COX7A2L: variants seen among roughly 807,000 people sequenced by gnomAD.
COX7A2L encodes cytochrome c oxidase subunit 7A2-like, mitochondrial.
A neutral mutation model predicts 14.2 loss-of-function variants in COX7A2L; 18 were observed. The ratio of observed to expected loss-of-function variants is 1.27; its 90% CI spans 0.88 to 1.88. The LOEUF is 1.88. Ranked by LOEUF, COX7A2L falls within the 40% of genes most tolerant of loss-of-function variation. COX7A2L has a pLI of 0.00. For synonymous variants in COX7A2L, 65 were observed against 57.4 expected, an observed-to-expected ratio of 1.13 and a Z score of -0.60; for missense variants, 179 against 138.8, an observed-to-expected ratio of 1.29 and a Z score of -1.46.
At chr2:42,336,444 A>C (rs1321115757) in intron 2 of COX7A2L, among the ~76,000 whole-genome samples, 4 of 149,310 alleles carry the variant, frequency 2.7e-5, no homozygotes, top group African/African-American at 9.9e-5. Context: ...ACTGAGAAGA[A>C]AGTGAGTGCC....
chr2:42,358,946 C>T (rs1447219212), intron 1 of COX7A2L, among the ~76,000 whole-genome samples: 2 of 152,002 alleles, frequency 1.3e-5, no homozygotes, highest in Admixed American at 6.6e-5. Context: ...GGCTGTGCAA[C>T]ACAGCAAGAA....
chr2:42,367,583 T>C (rs1442157200), intron 1 of COX7A2L, among the ~76,000 whole-genome samples: 1 of 152,208 alleles, frequency 6.6e-6, no homozygotes, highest in Non-Finnish European at 1.5e-5. Context: ...GGGTATGACA[T>C]TCCCAAAAGC....
exon 1 of COX7A2L, chr2:42,368,901 C>T (rs1671217783): frequency 6.6e-6 from 1 of 152,254 alleles, no homozygotes; most frequent in Non-Finnish European, 1.5e-5. Flanking sequence ...GTGCCCCAGG[C>T]TTCTCACATC....
Position 42,349,699 on chromosome 2 carries a change from T to C in COX7A2L, c.*1520A>G, listed in dbSNP as rs545207571. The C allele has an allele frequency of 1.3e-4, 20 of 152,310 alleles. No homozygotes were observed. The highest frequency in any genetic ancestry group is 4.8e-4 in the African/African-American group (20 of 41,566). The allele number at this position is 152,310 out of a possible 1,614,324, so 9.4% of individuals were successfully genotyped here. A position where few individuals can be genotyped will look rare whatever the true frequency, so the allele number is the denominator to read the frequency against. ...TGGGGAAATCTGAAAGTAAACTATG[T>C]ATTAGATGGTAGTATTGTTATAAAT... On this transcript the variant is annotated 3_prime_UTR_variant, in exon 3 of 3. Coordinates refer to ENST00000234301, the MANE Select transcript of COX7A2L (RefSeq NM_004718.4).
chr2:42,353,477 AC>A, intron 1 of COX7A2L, 134 bp from the exon 2 acceptor site: 2 of 1,179,094 alleles, frequency 1.7e-6, no homozygotes, highest in African/African-American at 1.6e-5. Flanking sequence ...CCTGTCAAGA[AC>A]CCCTTGCCAT....
Position 42,350,960 on chromosome 2 carries a change from A to C in COX7A2L, c.*259T>G. On this transcript the variant is annotated 3_prime_UTR_variant, in exon 3 of 3. Coordinates refer to ENST00000234301, the MANE Select transcript of COX7A2L (RefSeq NM_004718.4). Reference sequence around the variant, plus strand: ...ATTAACAAGCCTGTGTTCAGCCTTCATCCAGAACCTCCAGGGAAATCAGGA... The same window carrying C: ...ATTAACAAGCCTGTGTTCAGCCTTCCTCCAGAACCTCCAGGGAAATCAGGA... The C allele has an allele frequency of 3.0e-6, 1 of 329,428 alleles. No individual in the cohort carries two copies. The highest frequency in any genetic ancestry group is 5.5e-6 in the Non-Finnish European group (1 of 180,398). 20.4% of individuals were successfully genotyped at this position (329,428 alleles called of 1,614,324 possible).
intron 2 of COX7A2L, among the ~76,000 whole-genome samples, chr2:42,336,465 G>C (rs1275445804): frequency 6.6e-6 from 1 of 152,150 alleles, no homozygotes; most frequent in Non-Finnish European, 1.5e-5. Flanking sequence ...CGAAGAAAGG[G>C]CCTCAGGGAG....
chr2:42,353,365 T>C (rs578094718), intron 1 of COX7A2L, 22 bp from the exon 2 acceptor site: 5 of 1,611,350 alleles, frequency 3.1e-6, no homozygotes, highest in South Asian at 2.2e-5. Flanking sequence ...AAAAGGAAAA[T>C]GGCAAGTTGA....
intron 1 of COX7A2L, among the ~76,000 whole-genome samples, chr2:42,360,376 A>T (rs1055679908): frequency 6.6e-5 from 10 of 152,114 alleles, no homozygotes; most frequent in African/African-American, 2.4e-4. Context: ...AAAGCGGAAA[A>T]CGCCATGATT....
At chr2:42,335,853 T>TCGA (rs1465144319) in intron 2 of COX7A2L, among the ~76,000 whole-genome samples, 9 of 152,208 alleles carry the variant, frequency 5.9e-5, no homozygotes, top group Non-Finnish European at 1.0e-4. Flanking sequence ...GGACTTTGAA[T>TCGA]CGTGTCAAGA....
chr2:42,343,695 G>C (rs1160589175), intron 2 of COX7A2L, among the ~76,000 whole-genome samples: 1 of 152,210 alleles, frequency 6.6e-6, no homozygotes. Flanking sequence ...ATAACCTCTA[G>C]CTATTGAAGA....
intron 2 of COX7A2L, among the ~76,000 whole-genome samples, chr2:42,337,674 C>A (rs989335904): frequency 1.3e-5 from 2 of 152,070 alleles, no homozygotes; most frequent in African/African-American, 4.8e-5. Flanking sequence ...GATCTCACCA[C>A]TGGGGGAAGC....
At chr2:42,363,848 G>T (rs1194296420), upstream of COX7A2L, among the ~76,000 whole-genome samples, 1 of 152,218 alleles carries the variant, frequency 6.6e-6, no homozygotes, top group Non-Finnish European at 1.5e-5. Context: ...GGTGAACTGA[G>T]TGAGTGCAAA....
chr2:42,340,861 G>C (rs146914852), intron 2 of COX7A2L, among the ~76,000 whole-genome samples: 1 of 152,144 alleles, frequency 6.6e-6, no homozygotes, highest in African/African-American at 2.4e-5. Flanking sequence ...TCTCCACTGC[G>C]CAGCACACTG....
downstream of COX7A2L, among the ~76,000 whole-genome samples, chr2:42,346,968 G>C (rs1012103038): frequency 2.0e-5 from 3 of 151,872 alleles, no homozygotes; most frequent in African/African-American, 7.3e-5. Flanking sequence ...CTGAAATGCA[G>C]TGGCGCAATC....
intron 2 of COX7A2L, among the ~76,000 whole-genome samples, chr2:42,341,363 C>T (rs764774790): frequency 6.6e-6 from 1 of 152,200 alleles, no homozygotes; most frequent in African/African-American, 2.4e-5. Context: ...CCCTCCCGAC[C>T]TGCCCAAGTC....
chr2:42,340,723 G>A (rs533079060), intron 2 of COX7A2L, among the ~76,000 whole-genome samples: 1 of 152,266 alleles, frequency 6.6e-6, no homozygotes, highest in East Asian at 1.9e-4. Context: ...CCCAGTGGGA[G>A]CTTCCCTGCC....
rs373269659 is a variant in COX7A2L, at chr2:42,355,129, A to G, written c.73-1786T>C. Among the ~76,000 whole-genome samples the G allele has an allele frequency of 9.8e-5, 15 of 152,322 alleles. No homozygotes were observed. The East Asian group carries it at 2.3e-3, about 24-fold the overall frequency. ...AACTATTGCTTAAAAACAACAGCCC[A>G]TTTAAAGAGAAAGTTTGGTCAGTAA... On this transcript the variant is annotated intron_variant, in intron 1 of 2. Transcript: ENST00000234301.
Position 42,350,973 on chromosome 2 carries a change from A to G in COX7A2L, c.*246T>C. Reference sequence around the variant, plus strand: ...TGTTCAGCCTTCATCCAGAACCTCCAGGGAAATCAGGAGCACAAACACAGA... The same window carrying G: ...TGTTCAGCCTTCATCCAGAACCTCCGGGGAAATCAGGAGCACAAACACAGA... On this transcript the variant is annotated 3_prime_UTR_variant, in exon 3 of 3. Coordinates refer to ENST00000234301, the MANE Select transcript of COX7A2L (RefSeq NM_004718.4). The G allele has an allele frequency of 5.6e-6, 2 of 355,998 alleles. No homozygotes were observed. The highest frequency in any genetic ancestry group is 1.0e-5 in the Non-Finnish European group (2 of 197,666). 22.1% of individuals were successfully genotyped at this position (355,998 alleles called of 1,614,324 possible). A position where few individuals can be genotyped will look rare whatever the true frequency, so the allele number is the denominator to read the frequency against.
Sources: gnomAD v4.1 joint callset for allele counts (sites outside exome capture counted in the v4.1 genomes callset) on GRCh38, gnomAD v4.1.1 for gene constraint, MANE v1.5 for transcripts, NCBI Gene and HGNC (gene_info 2026-07-23, HGNC 2026-07-21) for gene names.